Variants in ARHGAP24 observed in about 807,000 individuals in gnomAD.
ARHGAP24 encodes Rho GTPase activating protein 24.
A neutral mutation model predicts 76.4 loss-of-function variants in ARHGAP24; 50 were observed. That is an observed-to-expected ratio of 0.65 (90% CI 0.52 to 0.83). The LOEUF (loss-of-function observed/expected upper bound fraction) is 0.83. Ranked by LOEUF, ARHGAP24 falls within the 40% of genes least tolerant of loss-of-function variation. ARHGAP24 has a pLI of 0.00. For synonymous variants in ARHGAP24, 345 were observed against 323.3 expected (o/e 1.07, Z -0.72); for missense variants, 930 against 914.2 (o/e 1.02, Z -0.22).
At chr4:85,997,944 A>G (rs1740783282) in intron 9 of ARHGAP24, among the ~76,000 whole-genome samples, 1 of 152,196 alleles carries the variant, frequency 6.6e-6, no homozygotes, top group South Asian at 2.1e-4. Context: ...GGCATAAGCC[A>G]TGGCACTCAG....
At chr4:85,807,330 A>G (rs968588788) in intron 3 of ARHGAP24, among the ~76,000 whole-genome samples, 4 of 151,264 alleles carry the variant, frequency 2.6e-5, no homozygotes, top group African/African-American at 4.9e-5. Context: ...TCATTGTTCA[A>G]CTCCCACTTA....
chr4:85,600,334 T>G (rs1719990957), intron 2 of ARHGAP24, among the ~76,000 whole-genome samples: 2 of 152,176 alleles, frequency 1.3e-5, no homozygotes, highest in East Asian at 3.9e-4. Context: ...TGGAAAAACC[T>G]ATTGAAGAGT....
intron 3 of ARHGAP24, among the ~76,000 whole-genome samples, chr4:85,894,737 A>G (rs1372785241): frequency 2.0e-5 from 3 of 152,028 alleles, no homozygotes; most frequent in African/African-American, 7.2e-5. Flanking sequence ...AGGTGGGTGG[A>G]TCACTTTGAG....
intron 8 of ARHGAP24, 117 bp downstream of exon 8, chr4:85,977,808 G>A (rs1376932923): frequency 2.5e-6 from 3 of 1,199,948 alleles, no homozygotes; most frequent in East Asian, 2.6e-5. Flanking sequence ...TGGCAACTCC[G>A]TTTATTAACT....
chr4:85,922,311 C>T (rs916872239), intron 3 of ARHGAP24, among the ~76,000 whole-genome samples: 1 of 152,180 alleles, frequency 6.6e-6, no homozygotes, highest in African/African-American at 2.4e-5. Context: ...ATTCAGAGGT[C>T]ACTAAACTTT....
chr4:85,523,309 G>A (rs1461563340), intron 1 of ARHGAP24, among the ~76,000 whole-genome samples: 1 of 152,142 alleles, frequency 6.6e-6, no homozygotes, highest in Admixed American at 6.6e-5. Flanking sequence ...CTTCAGTACT[G>A]TACATGACTC....
intron 2 of ARHGAP24, among the ~76,000 whole-genome samples, chr4:85,712,537 G>A (rs982156238): frequency 2.8e-4 from 43 of 152,278 alleles, no homozygotes; most frequent in Admixed American, 1.2e-3. Flanking sequence ...TGAAGTCATG[G>A]TGTGGAGGAC....
intron 3 of ARHGAP24, among the ~76,000 whole-genome samples, chr4:85,919,688 T>C (rs1735618073): frequency 6.6e-6 from 1 of 152,152 alleles, no homozygotes. Flanking sequence ...TGGCCAGTTG[T>C]GCATATCATT....
intron 1 of ARHGAP24, among the ~76,000 whole-genome samples, chr4:85,487,915 A>T (rs909647166): frequency 1.5e-5 from 2 of 135,008 alleles, no homozygotes; most frequent in South Asian, 4.3e-4. Flanking sequence ...ATATATATTT[A>T]TTTATTTAGA....
chr4:85,480,342 A>G (rs1722762059), intron 1 of ARHGAP24, among the ~76,000 whole-genome samples: 1 of 152,168 alleles, frequency 6.6e-6, no homozygotes, highest in African/African-American at 2.4e-5. Flanking sequence ...TAGAAAAAAG[A>G]CAGGCTAAAA....
intron 2 of ARHGAP24, among the ~76,000 whole-genome samples, chr4:85,640,640 A>T (rs964291855): frequency 6.6e-6 from 1 of 152,184 alleles, no homozygotes; most frequent in Admixed American, 6.5e-5. Context: ...GCTTTTCAAA[A>T]TCGACAGGTC....
intron 3 of ARHGAP24, among the ~76,000 whole-genome samples, chr4:85,761,990 C>T (rs1726752157): frequency 6.6e-6 from 1 of 152,172 alleles, no homozygotes; most frequent in Non-Finnish European, 1.5e-5. Context: ...GTTTATGTCT[C>T]GCAGCCTTTA....
chr4:85,591,047 T>C (rs932100359), intron 2 of ARHGAP24, among the ~76,000 whole-genome samples: 1 of 136,934 alleles, frequency 7.3e-6, no homozygotes, highest in East Asian at 2.2e-4. Context: ...TTTTTTTTTT[T>C]TTTTTTTTTT....
chr4:85,686,282 A>G (rs1723419758), intron 2 of ARHGAP24, among the ~76,000 whole-genome samples: 1 of 152,228 alleles, frequency 6.6e-6, no homozygotes, highest in Non-Finnish European at 1.5e-5. Flanking sequence ...AGGAATAATG[A>G]GCCAATATGA....
intron 2 of ARHGAP24, among the ~76,000 whole-genome samples, chr4:85,607,799 C>A (rs562854167): frequency 7.4e-6 from 1 of 135,616 alleles, no homozygotes; most frequent in Admixed American, 8.0e-5. Context: ...GCCATAGCTA[C>A]GCCGTGCCAA....
intron 2 of ARHGAP24, among the ~76,000 whole-genome samples, chr4:85,624,256 T>A (rs1463271097): frequency 5.9e-5 from 9 of 152,172 alleles, no homozygotes; most frequent in Admixed American, 5.9e-4. Context: ...TTGAGATATG[T>A]CCCATCAATA....
intron 3 of ARHGAP24, among the ~76,000 whole-genome samples, chr4:85,860,996 G>A (rs1731859859): frequency 7.1e-6 from 1 of 140,076 alleles, no homozygotes; most frequent in Admixed American, 7.0e-5. Context: ...TTCTGTGCAT[G>A]CACGCACACA....
At chr4:85,821,093 G>A (rs1729450156) in intron 3 of ARHGAP24, among the ~76,000 whole-genome samples, 2 of 152,016 alleles carry the variant, frequency 1.3e-5, no homozygotes, top group Admixed American at 1.3e-4. Flanking sequence ...ATGTATATGT[G>A]TACTATGACT....
chr4:85,642,274 A>G (rs1721552034), intron 2 of ARHGAP24, among the ~76,000 whole-genome samples: 4 of 152,168 alleles, frequency 2.6e-5, no homozygotes. Flanking sequence ...TCAACATCAT[A>G]ACAAGGGCCA....
Sources: allele counts gnomAD v4.1 joint callset (sites outside exome capture counted in the v4.1 genomes callset), GRCh38; gene constraint gnomAD v4.1.1; transcripts MANE v1.5; gene names NCBI Gene and HGNC (gene_info 2026-07-23, HGNC 2026-07-21).